Variants in FAT2 observed in about 807,000 individuals in gnomAD.
FAT2 encodes FAT atypical cadherin 2.
A neutral mutation model predicts 295.3 loss-of-function variants in FAT2; 150 were observed. The ratio of observed to expected loss-of-function variants is 0.51; its 90% CI spans 0.44 to 0.58. The LOEUF is 0.58. Among genes scored for constraint, FAT2 ranks in the 20% least tolerant of loss-of-function variants. The pLI, the probability that FAT2 is intolerant of heterozygous loss-of-function variation, is 0.00. For missense variants in FAT2, 4,868 were observed against 5,442.7 expected, an observed-to-expected ratio of 0.89 and a Z score of 3.32; for synonymous variants, 2,026 against 2,150.3, an observed-to-expected ratio of 0.94 and a Z score of 1.60.
Position 151,545,131 on chromosome 5 carries a change from T to G in FAT2, c.5996A>C (p.Asp1999Ala), listed in dbSNP as rs1264085094. 14 of 1,614,046 alleles carry G rather than the reference T, an allele frequency of 8.7e-6. No individual in the cohort carries two copies. In the Admixed American group the frequency reaches 2.0e-4, roughly 23 times the overall value. ...ILGAQGNHLN[D>A]TLSYFLLNGT... Reference sequence around the variant, plus strand: ...ATTCAAGAGAAAGTAGGAAAGGGTGTCATTCAAATGATTGCCCTGGGCACC... The same window carrying G: ...ATTCAAGAGAAAGTAGGAAAGGGTGGCATTCAAATGATTGCCCTGGGCACC... Residue 1999 changes from aspartate to alanine, a missense_variant, in exon 10 of 24, where the codon GAC (aspartate) becomes GCC (alanine). Transcript: ENST00000261800.
In FAT2 at chr5:151,546,258, A is replaced by G. The variant is rs1423554502; in HGVS notation, c.4869T>C (p.His1623=). ...CCTTCACTGTCAGAGTATGTGGGGC[A>G]TGATTTGCCTGATCAAGCTTTTGAG... ...TLAQKLDQAN[H]APHTLTVKAE... is the part of the protein sequence containing the mutation. Residue 1623 remains histidine, a synonymous_variant, in exon 10 of 24, where the codon CAT becomes CAC. Transcript: ENST00000261800. The G allele has an allele frequency of 1.2e-6, 2 of 1,614,072 alleles. No individual in the cohort carries two copies. The highest frequency in any genetic ancestry group is 2.7e-5 in the African/African-American group (2 of 74,944).
In FAT2 at chr5:151,554,514, T is replaced by G. The variant is rs769161981; in HGVS notation, c.3793A>C (p.Arg1265=). 3.9e-5 allele frequency: 63 copies of G among 1,614,096 alleles called. No individual in the cohort carries two copies. In the Admixed American group the frequency reaches 9.5e-4, roughly 24 times the overall value. The part of the protein sequence containing the change: ...LSPVSPGPVY[R]LVASDLDEGL... ...TCATCCAGGTCTGAAGCCACCAGCCTGTACACAGGCCCAGGGGACACAGGG... is the reference window on the plus strand; with the variant it reads ...TCATCCAGGTCTGAAGCCACCAGCCGGTACACAGGCCCAGGGGACACAGGG... The change falls in exon 5 of 24, where the codon AGG becomes CGG. Residue 1265 remains arginine, a synonymous_variant. Coordinates refer to ENST00000261800, the MANE Select transcript of FAT2 (RefSeq NM_001447.3).
chr5:151,525,108 C>T (rs1308574217), intron 18 of FAT2, among the ~76,000 whole-genome samples: 2 of 152,144 alleles, frequency 1.3e-5, no homozygotes, highest in African/African-American at 2.4e-5. Flanking sequence ...AAATACTTGT[C>T]GAGAGATGGA....
At chr5:151,571,087 C>G (rs1287872734) in intron 1 of FAT2, among the ~76,000 whole-genome samples, 2 of 152,084 alleles carry the variant, frequency 1.3e-5, no homozygotes, top group East Asian at 1.9e-4. Context: ...ATTCTTCATT[C>G]GAGGTCTGAA....
intron 1 of FAT2, among the ~76,000 whole-genome samples, chr5:151,577,277 G>A (rs202024653): frequency 6.6e-6 from 1 of 152,224 alleles, no homozygotes; most frequent in East Asian, 1.9e-4. Context: ...GCTTCCAGTG[G>A]CCTGGGCTTT....
intron 6 of FAT2, 76 bp from the exon 7 acceptor site, chr5:151,551,682 T>C: frequency 6.5e-7 from 1 of 1,534,186 alleles, no homozygotes; most frequent in Non-Finnish European, 8.9e-7. Flanking sequence ...GCTTTGGTTG[T>C]CAGGCTCAGA....
rs75691796 is a variant in FAT2 at position 151,553,862 on chromosome 5, A to G, written c.3946-475T>C. Among the ~76,000 whole-genome samples, 1,272 of 152,326 alleles carry G rather than the reference A, an allele frequency of 8.4e-3. 16 individuals are homozygous for G. The highest frequency in any genetic ancestry group is 0.029 in the African/African-American group (1,216 of 41,558). On this transcript the variant is annotated intron_variant, in intron 5 of 23. Coordinates refer to ENST00000261800, the MANE Select transcript of FAT2 (RefSeq NM_001447.3). ...ATCTGTCTTTTACAAGAATAAACTA[A>G]GGCTCAGTGTGGTCGATTCACCTGC...
chr5:151,507,287 G>T lies in FAT2; in HGVS notation c.12384C>A (p.Leu4128=). ...EPSKASVPNE[L]VTFGPNSKQR... ...GCTTAGAATTGGGTCCAAATGTGACGAGTTCATTTGGAACAGAGGCCTTGC... is the reference window on the plus strand; with the variant it reads ...GCTTAGAATTGGGTCCAAATGTGACTAGTTCATTTGGAACAGAGGCCTTGC... Residue 4128 remains leucine (L), a synonymous_variant, in exon 23 of 24, where the codon CTC becomes CTA. Coordinates refer to ENST00000261800, the MANE Select transcript of FAT2 (RefSeq NM_001447.3). 6.2e-7 allele frequency: 1 copy of T among 1,614,158 alleles called. No homozygotes were observed.
intron 22 of FAT2, among the ~76,000 whole-genome samples, chr5:151,508,577 G>T (rs1343745935): frequency 6.6e-6 from 1 of 152,142 alleles, no homozygotes; most frequent in Non-Finnish European, 1.5e-5. Context: ...AGGTGTTATG[G>T]CACATGCCTG....
chr5:151,590,345 G>A (rs1043322306), intron 1 of FAT2, among the ~76,000 whole-genome samples: 2 of 152,226 alleles, frequency 1.3e-5, no homozygotes, highest in Admixed American at 1.3e-4. Context: ...GCAAACTTCT[G>A]CACTGCCTCA....
chr5:151,544,029 A>G lies in FAT2; in HGVS notation c.7098T>C (p.Val2366=), dbSNP rs764378180. The G allele has an allele frequency of 1.2e-6, 2 of 1,614,172 alleles. No individual in the cohort carries two copies. The highest frequency in any genetic ancestry group is 2.2e-5 in the East Asian group (1 of 44,888). The change falls in exon 10 of 24, where the codon GTT becomes GTC. Residue 2366 remains valine, a synonymous_variant. Transcript: ENST00000261800. ...DPPLTGETLV[V]VNVSDINDNP... is the part of the protein sequence containing the mutation. Reference sequence around the variant, plus strand: ...TGTCATTGATATCAGACACATTGACAACCACAAGGGTTTCACCAGTGAGTG... The same window carrying G: ...TGTCATTGATATCAGACACATTGACGACCACAAGGGTTTCACCAGTGAGTG...
At chr5:151,551,869 A>G (rs1757243010) in intron 6 of FAT2, among the ~76,000 whole-genome samples, 1 of 152,200 alleles carries the variant, frequency 6.6e-6, no homozygotes, top group African/African-American at 2.4e-5. Flanking sequence ...GTAACAACAT[A>G]TTTTTAAATG....
At chr5:151,533,720 CAT>C (rs542926490) in intron 13 of FAT2, among the ~76,000 whole-genome samples, 1 of 151,174 alleles carries the variant, frequency 6.6e-6, no homozygotes, top group Admixed American at 6.6e-5. Context: ...AGGTTATATA[CAT>C]ATATATATAC....
chr5:151,543,182 G>A lies in FAT2; in HGVS notation c.7945C>T (p.Leu2649=). The stretch of plus-strand genomic sequence containing the variant: ...AGGGTCTGATTTTCCAATCCCACCA[G>A]GCTGTCTTTCACCTTGACCACACCA... ...VTGVVKVKDS[L]VGLENQTLDF... The change falls in exon 10 of 24, where the codon CTG becomes TTG. Residue 2649 remains leucine (L), a synonymous_variant. Coordinates refer to ENST00000261800, the MANE Select transcript of FAT2 (RefSeq NM_001447.3). The A allele has an allele frequency of 6.2e-7, 1 of 1,614,186 alleles. No individual in the cohort carries two copies. The highest frequency in any genetic ancestry group is 8.5e-7 in the Non-Finnish European group (1 of 1,180,030).
chr5:151,525,991 C>T lies in FAT2; in HGVS notation c.10309-26G>A, dbSNP rs761560692. The stretch of plus-strand genomic sequence containing the variant: ...CTGAGACCGAGAGTGACAAAGAAGG[C>T]AAAGAGCAGAATGAGTCCCGGTCCT... On this transcript the variant is annotated intron_variant, in intron 17 of 23. Transcript: ENST00000261800. The T allele has an allele frequency of 3.7e-6, 6 of 1,610,474 alleles. No individual in the cohort carries two copies. In the Admixed American group the frequency reaches 1.0e-4, roughly 27 times the overall value.
intron 20 of FAT2, among the ~76,000 whole-genome samples, chr5:151,513,472 C>T (rs755591634): frequency 2.0e-5 from 3 of 152,112 alleles, no homozygotes; most frequent in Non-Finnish European, 4.4e-5. Context: ...CGGCCATTAT[C>T]CTAAGCAAAC....
intron 13 of FAT2, among the ~76,000 whole-genome samples, chr5:151,533,396 ACACACACACACACAC>A: frequency 1.4e-5 from 1 of 70,218 alleles, no homozygotes; most frequent in Admixed American, 1.3e-4. Flanking sequence ...TATCTCCAAC[ACACACACACACACAC>A]ACACACACAC....
intron 11 of FAT2, 144 bp downstream of exon 11, chr5:151,540,423 C>T (rs1756004313): frequency 1.8e-6 from 1 of 555,014 alleles, no homozygotes; most frequent in Non-Finnish European, 3.2e-6. Flanking sequence ...TCTCCTGCCC[C>T]TCAATCTCCC....
rs1394345298 is a variant in FAT2 at position 151,568,670 on chromosome 5, C to G, written c.262G>C (p.Val88Leu). Residue 88 changes from valine to leucine, a missense_variant, in exon 2 of 24, where the codon GTG (valine) becomes CTG (leucine). Around this residue, in one of 5 missense-constraint regions of FAT2, gnomAD observed 3,297 missense variants for 3,669.4 expected, o/e 0.90. Coordinates refer to ENST00000261800, the MANE Select transcript of FAT2 (RefSeq NM_001447.3). ...CTTAGGAAGCAGAAGTTGCCCACCA[C>G]ATACTCCTCAGTTTTAAATACATTG... ...VANVFKTEEY[V>L]VGNFCFLRIR... The G allele has an allele frequency of 6.2e-7, 1 of 1,614,216 alleles. No homozygotes were observed. Among genetic ancestry groups the G allele is most frequent in the Admixed American group, 1.7e-5 (1 of 60,026 alleles).
Sources: allele counts gnomAD v4.1 joint callset (sites outside exome capture counted in the v4.1 genomes callset), GRCh38; gene constraint gnomAD v4.1.1; regional missense constraint gnomAD v4.1.1; transcripts MANE v1.5; gene names NCBI Gene and HGNC (gene_info 2026-07-23, HGNC 2026-07-21).